Variants in SAR1B observed in about 807,000 individuals in gnomAD.
SAR1B encodes the protein small COPII coat GTPase SAR1B.
SAR1B carries 23 observed loss-of-function variants against 26.8 expected under a neutral mutation model. The ratio of observed to expected loss-of-function variants is 0.86; its 90% confidence interval spans 0.62 to 1.22. The LOEUF (loss-of-function observed/expected upper bound fraction) is 1.22, where lower values mean the gene tolerates loss of function less well. SAR1B is among the 50% of genes most tolerant of loss of function. The pLI is 0.00. For synonymous variants in SAR1B, 65 were observed against 80.8 expected (o/e 0.80, Z 1.05); for missense variants, 196 against 232.8 (o/e 0.84, Z 1.03).
At chr5:134,611,880 T>C (rs1282948300) in intron 4 of SAR1B, among the ~76,000 whole-genome samples, 2 of 149,696 alleles carry the variant, frequency 1.3e-5, no homozygotes, top group East Asian at 2.0e-4. Flanking sequence ...AAAAGAAAAG[T>C]AGGCCAGATG....
At chr5:134,610,172 G>T (rs533241636) in intron 4 of SAR1B, among the ~76,000 whole-genome samples, 1 of 151,938 alleles carries the variant, frequency 6.6e-6, no homozygotes, top group African/African-American at 2.4e-5. Flanking sequence ...GTACAAGCTT[G>T]TTAAAATAAT....
intron 6 of SAR1B, among the ~76,000 whole-genome samples, chr5:134,607,324 C>T (rs780140752): frequency 5.9e-5 from 9 of 152,058 alleles, no homozygotes; most frequent in Admixed American, 6.6e-5. Context: ...AATAATCTGA[C>T]TTAGAAAAAA....
At chr5:134,627,077 G>C (rs1466613241) in intron 1 of SAR1B, among the ~76,000 whole-genome samples, 1 of 151,386 alleles carries the variant, frequency 6.6e-6, no homozygotes, top group Non-Finnish European at 1.5e-5. Context: ...TTTTGAGACA[G>C]AGTCTCGCCT....
At chr5:134,628,637 A>G (rs1014336851) in intron 1 of SAR1B, among the ~76,000 whole-genome samples, 1 of 152,000 alleles carries the variant, frequency 6.6e-6, no homozygotes, top group Non-Finnish European at 1.5e-5. Context: ...GCAACATAAC[A>G]AGATCCCATC....
intron 1 of SAR1B, among the ~76,000 whole-genome samples, chr5:134,627,175 C>A (rs561765439): frequency 1.1e-3 from 173 of 152,042 alleles, no homozygotes; most frequent in African/African-American, 3.8e-3. Context: ...CCTCAGCCTC[C>A]CGAGTAGCTG....
chr5:134,618,553 T>G (rs910936149), intron 3 of SAR1B, among the ~76,000 whole-genome samples: 4 of 152,228 alleles, frequency 2.6e-5, no homozygotes, highest in Non-Finnish European at 5.9e-5. Context: ...CTTTAAACTC[T>G]GTGTCTATCT....
chr5:134,622,995 T>C (rs1013449480), intron 2 of SAR1B, among the ~76,000 whole-genome samples: 1 of 151,302 alleles, frequency 6.6e-6, no homozygotes, highest in Non-Finnish European at 1.5e-5. Flanking sequence ...TGATAGTATA[T>C]GCCTGTAATC....
At chr5:134,615,347 C>CAAA (rs1169325540) in intron 3 of SAR1B, among the ~76,000 whole-genome samples, 1,239 of 87,692 alleles carry the variant, frequency 0.014, 15 homozygotes, top group African/African-American at 0.05. Flanking sequence ...GACTCCATCT[C>CAAA]AAAAAAAAAA....
At chr5:134,631,419 C>T (rs1200676360) in intron 1 of SAR1B, among the ~76,000 whole-genome samples, 1 of 152,146 alleles carries the variant, frequency 6.6e-6, no homozygotes, top group African/African-American at 2.4e-5. Flanking sequence ...ACTGGCACCA[C>T]CATTTATTTG....
chr5:134,617,489 C>A (rs912270791), intron 3 of SAR1B, among the ~76,000 whole-genome samples: 3 of 152,056 alleles, frequency 2.0e-5, no homozygotes, highest in African/African-American at 7.3e-5. Context: ...ATGTGAGCTG[C>A]AGGAAAGGTT....
intron 3 of SAR1B, among the ~76,000 whole-genome samples, chr5:134,615,213 C>A (rs951745610): frequency 6.6e-6 from 1 of 151,350 alleles, no homozygotes; most frequent in African/African-American, 2.4e-5. Context: ...CTGGGTGCAG[C>A]GGCAGGTGCC....
At chr5:134,631,311 A>T (rs1765601554) in intron 1 of SAR1B, among the ~76,000 whole-genome samples, 1 of 152,186 alleles carries the variant, frequency 6.6e-6, no homozygotes, top group East Asian at 1.9e-4. Flanking sequence ...AGAAAATGCC[A>T]ATGAACTATC....
At position 134,619,308 on chromosome 5, in the gene SAR1B, G is replaced by A. The variant is rs189700339; in HGVS notation, c.178+1625C>T. Among the ~76,000 whole-genome samples, 18 of 129,380 alleles carry A rather than the reference G, an allele frequency of 1.4e-4. No homozygotes were observed. The East Asian group carries it at 4.7e-3, about 34-fold the overall frequency. The allele number at this position is 129,380 out of a possible 152,430, so 84.9% of individuals were successfully genotyped here. ...ATCGTGCCATTGCTCTCCAGCGTGGGCAACAGAGCAAGACTCCATCTCAAA... is the reference window on the plus strand; with the variant it reads ...ATCGTGCCATTGCTCTCCAGCGTGGACAACAGAGCAAGACTCCATCTCAAA... On this transcript the variant is annotated intron_variant, in intron 3 of 6. Transcript: ENST00000402673.
chr5:134,606,864 T>C lies in SAR1B; in HGVS notation c.*86A>G, dbSNP rs191004295. The stretch of plus-strand genomic sequence containing the variant: ...ACATCTGTTTTATAACCAGCAAAAG[T>C]CTATTGAATTCAAGTTATGCATGTT... On this transcript the variant is annotated 3_prime_UTR_variant, in exon 7 of 7. Transcript: ENST00000402673. 124 of 847,484 alleles carry C rather than the reference T, an allele frequency of 1.5e-4. 1 individual carries two copies. The African/African-American group carries it at 1.9e-3, about 13-fold the overall frequency. The allele number at this position is 847,484 out of a possible 1,614,324, so 52.5% of individuals were successfully genotyped here.
chr5:134,609,932 T>TAAAATA (rs1485245724), intron 4 of SAR1B, among the ~76,000 whole-genome samples: 1 of 150,318 alleles, frequency 6.7e-6, no homozygotes, highest in African/African-American at 2.4e-5. Context: ...GTAGAATATT[T>TAAAATA]AAAATAAAAA....
chr5:134,601,260 C>T lies in SAR1B; in HGVS notation c.*5690G>A, dbSNP rs1022150452. The T allele has an allele frequency of 3.9e-5, 6 of 152,080 alleles. No homozygotes were observed. Among genetic ancestry groups the T allele is most frequent in the African/African-American group, 1.2e-4 (5 of 41,412 alleles). 9.4% of individuals were successfully genotyped at this position (152,080 alleles called of 1,614,324 possible). On this transcript the variant is annotated 3_prime_UTR_variant, in exon 7 of 7. Transcript: ENST00000402673. ...CTAACATATAAACACAATTCAAAAACGTTTAACCATCTATTATAGCTCTTT... is the reference window on the plus strand; with the variant it reads ...CTAACATATAAACACAATTCAAAAATGTTTAACCATCTATTATAGCTCTTT...
rs1026047463 is a variant in SAR1B at position 134,605,659 on chromosome 5, C to CAAAAAA, written c.*1285_*1290dup. On this transcript the variant is annotated 3_prime_UTR_variant, in exon 7 of 7. Transcript: ENST00000402673. ...GTCTCTAAAACAAAATGAAACAGAG[C>CAAAAAA]AAAAAAAAAAAAAAAAAAAAAGCCC... 3 of 35,014 alleles carry CAAAAAA rather than the reference C, an allele frequency of 8.6e-5. No individual in the cohort carries two copies. Among genetic ancestry groups the CAAAAAA allele is most frequent in the Admixed American group, 3.0e-4 (1 of 3,388 alleles). The allele number at this position is 35,014 out of a possible 1,614,324, so 2.2% of individuals were successfully genotyped here. A position where few individuals can be genotyped will look rare whatever the true frequency, so the allele number is the denominator to read the frequency against.
chr5:134,620,864 CTT>C, intron 3 of SAR1B, 67 bp downstream of exon 3: 1 of 1,571,704 alleles, frequency 6.4e-7, no homozygotes, highest in African/African-American at 1.3e-5. Context: ...AAACAAAACA[CTT>C]TTGGTTAGTG....
chr5:134,608,650 G>A, intron 5 of SAR1B, 147 bp from the exon 6 acceptor site: 1 of 875,800 alleles, frequency 1.1e-6, no homozygotes. Context: ...ACATTTTAAA[G>A]TGACCTCAAT....
Sources: gnomAD v4.1 joint callset for allele counts (sites outside exome capture counted in the v4.1 genomes callset) on GRCh38, gnomAD v4.1.1 for gene constraint, MANE v1.5 for transcripts, NCBI Gene and HGNC (gene_info 2026-07-23, HGNC 2026-07-21) for gene names.